The following RESF1 variants were observed in gnomAD, a reference collection of about 807,000 sequenced individuals.
The protein encoded by RESF1 is gonad expressed transcript.
Under a neutral mutation model 134.7 loss-of-function variants are expected in RESF1, and 65 were observed. The ratio of observed to expected loss-of-function variants is 0.48; its 90% confidence interval spans 0.40 to 0.59. RESF1 has a LOEUF of 0.59. Among genes scored for constraint, RESF1 ranks in the 20% least tolerant of loss-of-function variants. The pLI is 0.00. For missense variants in RESF1, 2,274 were observed against 2,002.7 expected (o/e 1.14, Z -2.59); for synonymous variants, 762 against 702.2 (o/e 1.09, Z -1.35).
At chr12:31,980,118 T>C (rs1283646444) in intron 3 of RESF1, among the ~76,000 whole-genome samples, 2 of 146,544 alleles carry the variant, frequency 1.4e-5, no homozygotes, top group Admixed American at 1.3e-4. Context: ...CTTTTTTTTT[T>C]TTTTTTTTTT....
chr12:31,973,785 A>G lies in RESF1; in HGVS notation c.-79+3429A>G, dbSNP rs181264594. Among the ~76,000 whole-genome samples the G allele has an allele frequency of 7.2e-4, 109 of 152,232 alleles. 1 individual carries two copies. The highest frequency in any genetic ancestry group is 2.5e-3 in the African/African-American group (103 of 41,552). Reference sequence around the variant, plus strand: ...GATAGGAAAACCAAAACTTCTTCACACAACTGACCACTTCATCTCTGGTCA... The same window carrying G: ...GATAGGAAAACCAAAACTTCTTCACGCAACTGACCACTTCATCTCTGGTCA... On this transcript the variant is annotated intron_variant, in intron 3 of 5. Coordinates refer to ENST00000312561, the MANE Select transcript of RESF1 (RefSeq NM_018169.4).
chr12:31,981,439 T>A lies in RESF1; in HGVS notation c.484T>A (p.Tyr162Asn). ...LQSQLITSDTYSMQMQMIPSN... is the reference protein window; with the variant it reads ...LQSQLITSDTNSMQMQMIPSN... ...GAGTCAACTGATAACATCAGATACCTATTCTATGCAAATGCAGATGATCCC... is the reference window on the plus strand; with the variant it reads ...GAGTCAACTGATAACATCAGATACCAATTCTATGCAAATGCAGATGATCCC... The change falls in exon 4 of 6, where the codon TAT (tyrosine) becomes AAT (asparagine). Residue 162 changes from tyrosine (Y) to asparagine (N), a missense_variant. Coordinates refer to ENST00000312561, the MANE Select transcript of RESF1 (RefSeq NM_018169.4). The A allele has an allele frequency of 6.2e-7, 1 of 1,614,112 alleles. No homozygotes were observed. The highest frequency in any genetic ancestry group is 8.5e-7 in the Non-Finnish European group (1 of 1,179,982).
intron 3 of RESF1, among the ~76,000 whole-genome samples, chr12:31,978,788 C>T (rs1241093240): frequency 1.3e-5 from 2 of 149,726 alleles, no homozygotes; most frequent in Admixed American, 1.3e-4. Flanking sequence ...GTCTCCATCT[C>T]CTGACCTCGT....
At chr12:31,977,736 G>T (rs1236189853) in intron 3 of RESF1, among the ~76,000 whole-genome samples, 2 of 149,994 alleles carry the variant, frequency 1.3e-5, no homozygotes, top group Non-Finnish European at 3.0e-5. Context: ...AATCAAGCTT[G>T]TTACCCCAAA....
chr12:31,971,016 T>A (rs989570878), intron 3 of RESF1, among the ~76,000 whole-genome samples: 5 of 152,226 alleles, frequency 3.3e-5, no homozygotes, highest in African/African-American at 9.6e-5. Flanking sequence ...AACCTTCGTT[T>A]TAGACAACAG....
rs1430497001 is a variant in RESF1, at chr12:31,985,526, C to T, written c.4571C>T (p.Ser1524Phe). 6.2e-7 allele frequency: 1 copy of T among 1,600,872 alleles called. No homozygotes were observed. Among genetic ancestry groups the T allele is most frequent in the Non-Finnish European group, 8.5e-7 (1 of 1,176,340 alleles). The part of the protein sequence containing the change: ...SHGKNLKIHH[S>F]QESKTYNILR... ...GGTAAAAACCTCAAAATCCACCATT[C>T]TCAGGAGTCTAAAACATACAACATT... The change falls in exon 4 of 6, where the codon TCT (serine) becomes TTT (phenylalanine). Residue 1524 changes from serine (S) to phenylalanine (F), a missense_variant. Ser to Phe is a radical substitution (Grantham distance 155, BLOSUM62 -2). Transcript: ENST00000312561.
Position 31,984,676 on chromosome 12 carries a change from C to T in RESF1, c.3721C>T (p.Pro1241Ser). The change falls in exon 4 of 6, where the codon CCT (proline) becomes TCT (serine). Residue 1241 changes from proline (P) to serine (S), a missense_variant. By Grantham distance (74) the Pro-to-Ser change is moderately conservative (BLOSUM62 -1). Transcript: ENST00000312561. ...GAGCCTTGTAAATAATCCAAAGACTCCTCCAGATGGGAAAAGTCATTTTCC... is the reference window on the plus strand; with the variant it reads ...GAGCCTTGTAAATAATCCAAAGACTTCTCCAGATGGGAAAAGTCATTTTCC... The part of the protein sequence containing the change: ...FKSLVNNPKT[P>S]PDGKSHFPEL... 1 of 1,587,156 alleles carries T rather than the reference C, an allele frequency of 6.3e-7. No homozygotes were observed. The highest frequency in any genetic ancestry group is 2.0e-5 in the Admixed American group (1 of 51,088).
At chr12:31,967,383 C>G (rs1157326296) in intron 2 of RESF1, among the ~76,000 whole-genome samples, 1 of 152,166 alleles carries the variant, frequency 6.6e-6, no homozygotes, top group Non-Finnish European at 1.5e-5. Flanking sequence ...TAGTTCTTTA[C>G]ATACAGATTT....
intron 1 of RESF1, among the ~76,000 whole-genome samples, chr12:31,960,199 T>C (rs1166429887): frequency 6.6e-6 from 1 of 152,136 alleles, no homozygotes; most frequent in Non-Finnish European, 1.5e-5. Flanking sequence ...CAAACGTCCT[T>C]AGGGTCCTGA....
At chr12:31,989,192 T>G (rs1565489571) in intron 5 of RESF1, among the ~76,000 whole-genome samples, 1 of 149,116 alleles carries the variant, frequency 6.7e-6, no homozygotes, top group Non-Finnish European at 1.5e-5. Flanking sequence ...GTCAGGAGAT[T>G]GAGACCATCC....
chr12:31,981,539 T>C lies in RESF1; in HGVS notation c.584T>C (p.Val195Ala). Residue 195 changes from valine to alanine, a missense_variant, in exon 4 of 6, where the codon GTT (valine) becomes GCT (alanine). Val to Ala is a moderately conservative substitution (Grantham distance 64). Coordinates refer to ENST00000312561, the MANE Select transcript of RESF1 (RefSeq NM_018169.4). ...GLNQSFSEQQ[V>A]DWTQQCISKG... ...AACCAGTCTTTTTCAGAGCAACAGG[T>C]TGATTGGACACAACAGTGTATATCT... is the stretch of plus-strand genomic sequence containing the variant. 6.2e-7 allele frequency: 1 copy of C among 1,614,104 alleles called. No individual in the cohort carries two copies. The highest frequency in any genetic ancestry group is 8.5e-7 in the Non-Finnish European group (1 of 1,179,980).
At position 31,982,706 on chromosome 12, in the gene RESF1, T is replaced by C; in HGVS notation, c.1751T>C (p.Leu584Pro). Reference sequence around the variant, plus strand: ...AAAATTCAAAATGAAAATATGCTACTTCTCGCTTTGCTTTCACAGGCACGT... The same window carrying C: ...AAAATTCAAAATGAAAATATGCTACCTCTCGCTTTGCTTTCACAGGCACGT... ...KSKIQNENML[L>P]LALLSQARKT... Residue 584 changes from leucine (L) to proline (P), a missense_variant, in exon 4 of 6, where the codon CTT becomes CCT. Physicochemically the swap from Leu to Pro is moderately conservative, Grantham distance 98. Transcript: ENST00000312561. 6.2e-7 allele frequency: 1 copy of C among 1,613,942 alleles called. No individual in the cohort carries two copies. Among genetic ancestry groups the C allele is most frequent in the South Asian group, 1.1e-5 (1 of 91,080 alleles).
intron 2 of RESF1, among the ~76,000 whole-genome samples, chr12:31,966,566 C>G (rs1048384603): frequency 2.6e-5 from 4 of 152,222 alleles, no homozygotes; most frequent in African/African-American, 9.7e-5. Context: ...GCCAGCACTT[C>G]ATGCTGTACC....
At chr12:31,974,905 G>A (rs532521831) in intron 3 of RESF1, among the ~76,000 whole-genome samples, 1 of 150,614 alleles carries the variant, frequency 6.6e-6, no homozygotes, top group Non-Finnish European at 1.5e-5. Flanking sequence ...TGTAAAATGA[G>A]TGTCAGCATG....
rs767735499 is a variant in RESF1 at position 31,983,082 on chromosome 12, T to G, written c.2127T>G (p.Ala709=). The change falls in exon 4 of 6, where the codon GCT becomes GCG. Residue 709 remains alanine, a synonymous_variant. Transcript: ENST00000312561. ...CAGCAGTTGGAATTTCAAAGCCTGC[T>G]AACATCCACGTTAAGAGTCCTTGTT... ...NTTAVGISKP[A]NIHVKSPCSV... 1.2e-6 allele frequency: 2 copies of G among 1,613,486 alleles called. No homozygotes were observed. The highest frequency in any genetic ancestry group is 3.3e-5 in the Admixed American group (2 of 59,940).
chr12:31,988,054 C>A (rs1212978166), intron 5 of RESF1, among the ~76,000 whole-genome samples: 1 of 152,064 alleles, frequency 6.6e-6, no homozygotes, highest in Non-Finnish European at 1.5e-5. Flanking sequence ...ACTTTATCTA[C>A]CAAAATAGGC....
At chr12:31,977,804 T>TC (rs200508252) in intron 3 of RESF1, among the ~76,000 whole-genome samples, 281 of 98,952 alleles carry the variant, frequency 2.8e-3, no homozygotes, top group African/African-American at 0.013. Flanking sequence ...TTTCTTTCTT[T>TC]TTTTTTTTTT....
chr12:31,992,538 A>G lies in RESF1; in HGVS notation c.*3A>G, dbSNP rs771759935. 1.2e-6 allele frequency: 2 copies of G among 1,611,976 alleles called. No homozygotes were observed. Among genetic ancestry groups the G allele is most frequent in the East Asian group, 4.5e-5 (2 of 44,838 alleles). ...TTGGTAGCAGTCCTGTAAAATAATT[A>G]CAAGATGTGGTTTTGTAATTGCCAC... On this transcript the variant is annotated 3_prime_UTR_variant, in exon 6 of 6. Coordinates refer to ENST00000312561, the MANE Select transcript of RESF1 (RefSeq NM_018169.4).
chr12:31,983,488 A>G lies in RESF1; in HGVS notation c.2533A>G (p.Asn845Asp). ...GAAGGAAAAGCAGAATGAGTCAACT[A>G]ATGGTAATTCAGAAGTCACACCTAA... ...TQKEKQNEST[N>D]GNSEVTPNVN... The change falls in exon 4 of 6, where the codon AAT becomes GAT. Residue 845 changes from asparagine (N) to aspartate (D), a missense_variant. Transcript: ENST00000312561. The G allele has an allele frequency of 1.2e-6, 2 of 1,614,078 alleles. No homozygotes were observed. The highest frequency in any genetic ancestry group is 1.7e-6 in the Non-Finnish European group (2 of 1,180,008).
Sources: allele counts gnomAD v4.1 joint callset (sites outside exome capture counted in the v4.1 genomes callset), GRCh38; gene constraint gnomAD v4.1.1; transcripts MANE v1.5; gene names NCBI Gene and HGNC (gene_info 2026-07-23, HGNC 2026-07-21).